HELZ2: variants seen among roughly 807,000 people sequenced by gnomAD.
HELZ2 encodes 3'-5' exoribonuclease HELZ2.
In HELZ2, 143 loss-of-function variants were observed where a neutral mutation model predicts 208.8. That is an observed-to-expected ratio of 0.68 (90% confidence interval 0.60 to 0.79). The LOEUF (loss-of-function observed/expected upper bound fraction) is 0.79. HELZ2 is among the 30% of genes least tolerant of loss of function. The pLI, the probability that HELZ2 is intolerant of heterozygous loss-of-function variation, is 0.00. For missense variants in HELZ2, 3,690 were observed against 3,794.5 expected, an observed-to-expected ratio of 0.97 and a Z score of 0.72; for synonymous variants, 1,705 against 1,693.7, an observed-to-expected ratio of 1.01 and a Z score of -0.16.
rs115088331 is a variant in HELZ2, at chr20:63,568,804, A to C, written c.1284T>G (p.Asn428Lys). 9.7e-4 allele frequency: 1,565 copies of C among 1,612,036 alleles called. 7 individuals carry two copies. The African/African-American group carries it at 0.011, about 11-fold the overall frequency. ...TCTCCAGCCGCACCTCGAACACCGT[A>C]TTGTCGGGTGCAGGTACAGGGGCCA... Residue 428 changes from asparagine (N) to lysine (K), a missense_variant, in exon 5 of 19, where the codon AAT becomes AAG. By Grantham distance (94) the Asn-to-Lys change is moderately conservative. Transcript: ENST00000467148.
Position 63,561,748 on chromosome 20 carries a change from G to A in HELZ2, c.6692-3C>T, listed in dbSNP as rs1386334196. 3 of 1,590,006 alleles carry A rather than the reference G, an allele frequency of 1.9e-6. No individual in the cohort carries two copies. The South Asian group carries it at 3.4e-5, about 18-fold the overall frequency. ...CTCCATCCTTCTCAGGAGCAGTCCT[G>A]AGGGTAGTTGGGGGACGTGAGTCCT... On this transcript the variant is annotated splice_region_variant and splice_polypyrimidine_tract_variant and intron_variant, in intron 11 of 18. Coordinates refer to ENST00000467148, the Ensembl canonical transcript of HELZ2.
chr20:63,561,806 C>T lies in HELZ2; in HGVS notation c.6691+17G>A, dbSNP rs1319913144. On this transcript the variant is annotated intron_variant, in intron 11 of 18. Transcript: ENST00000467148. ...GTGCCAGCTCCCCAAAGGCCCCCAC[C>T]GCCGACCCCGGCGCACCTGCCAGGA... 1.9e-6 allele frequency: 3 copies of T among 1,553,250 alleles called. No homozygotes were observed. Among genetic ancestry groups the T allele is most frequent in the South Asian group, 2.4e-5 (2 of 84,560 alleles).
rs201050184 is a variant in HELZ2, at chr20:63,565,095, G to A, written c.3727C>T (p.Arg1243Trp). The stretch of plus-strand genomic sequence containing the variant: ...CCCACACGCTGCAGCCGGCCCTTCC[G>A]GAGGCTGTAGATGGGGACCTGCGAT... Residue 1243 changes from arginine to tryptophan, a missense_variant, in exon 8 of 19, where the codon CGG becomes TGG. Transcript: ENST00000467148. 8.9e-5 allele frequency: 139 copies of A among 1,563,802 alleles called. 2 individuals carry two copies. Among genetic ancestry groups the A allele is most frequent in the South Asian group, 8.4e-4 (72 of 86,144 alleles).
At chr20:63,572,465 G>A, upstream of HELZ2, 1 of 1,397,248 alleles carries the variant, frequency 7.2e-7, no homozygotes, top group South Asian at 1.5e-5. Context: ...CCTGCAGTAG[G>A]CAGGAGGCTG....
rs184989059 is a variant in HELZ2, at chr20:63,564,434, T to C, written c.4388A>G (p.Glu1463Gly). 4 of 1,553,580 alleles carry C rather than the reference T, an allele frequency of 2.6e-6. No individual in the cohort carries two copies. In the African/African-American group the frequency reaches 4.1e-5, roughly 16 times the overall value. ...GGCACCCGGGTGCTGCCTGATCACC[T>C]CCTCCGCCTCCTCGTAGGACAGCTG... The change falls in exon 8 of 19, where the codon GAG becomes GGG. Residue 1463 changes from glutamate to glycine, a missense_variant. Physicochemically the swap from Glu to Gly is moderately conservative, Grantham distance 98. Around this residue, in one of 3 missense-constraint regions of HELZ2, gnomAD observed 2,564 missense variants for 2,580.5 expected, o/e 0.99. Coordinates refer to ENST00000467148, the Ensembl canonical transcript of HELZ2.
At chr20:63,562,775 G>A (rs3810485) in exon 8 of HELZ2, 418,252 of 1,605,200 alleles carry the variant, frequency 0.26, 55,953 homozygotes, top group Admixed American at 0.38. Flanking sequence ...CGTGGGAGCC[G>A]GCAGCCCCTC....
rs1207581056 is a variant in HELZ2 at position 63,559,250 on chromosome 20, G to C, written c.7946C>G (p.Ser2649Cys). 2.6e-6 allele frequency: 4 copies of C among 1,558,638 alleles called. No homozygotes were observed. In the Admixed American group the frequency reaches 5.7e-5, roughly 22 times the overall value. ...CTTGCAGGTGGAGAGGGCTCTTCAG[G>C]AAGGCATAGTTGGCCTCCTGCAGAC... Residue 2649 changes from serine (S) to cysteine (C), a missense_variant, in exon 19 of 19, where the codon TCC becomes TGC. By Grantham distance (112) the Ser-to-Cys change is moderately radical. This residue lies in a region of HELZ2 where 2,564 missense variants were observed against 2,580.5 expected (regional missense o/e 0.99). Transcript: ENST00000467148.
At chr20:63,572,036 T>C in intron 1 of HELZ2, 72 bp downstream of exon 2, 1 of 1,491,416 alleles carries the variant, frequency 6.7e-7, no homozygotes, top group Non-Finnish European at 9.0e-7. Context: ...CACTCCAAGC[T>C]CCTGGGAACC....
exon 18 of HELZ2, chr20:63,560,027 G>T: frequency 1.2e-6 from 2 of 1,611,452 alleles, no homozygotes. Context: ...CTCTTGGTGG[G>T]CCGCTGGTCC....
intron 1 of HELZ2, 122 bp downstream of exon 2, chr20:63,571,986 C>G: frequency 8.3e-7 from 1 of 1,204,794 alleles, no homozygotes; most frequent in Non-Finnish European, 1.1e-6. Context: ...ACTCCAAGCT[C>G]CTGGGAGCCT....
rs1437621565 is a variant in HELZ2 at position 63,562,034 on chromosome 20, C to A, written c.6529+38G>T. ...TAGCCCACCCTGTGGGTCCCTGTGG[C>A]CCAAGGCAGCCTGCGGCTCCCCCGG... On this transcript the variant is annotated intron_variant, in intron 10 of 18. Transcript: ENST00000467148. 2.5e-6 allele frequency: 4 copies of A among 1,602,462 alleles called. No individual in the cohort carries two copies. The Admixed American group carries it at 5.0e-5, about 20-fold the overall frequency.
At position 63,569,681 on chromosome 20, in the gene HELZ2, G is replaced by A. The variant is rs528066232; in HGVS notation, c.571-16C>T. On this transcript the variant is annotated splice_polypyrimidine_tract_variant and intron_variant, in intron 3 of 18. Coordinates refer to ENST00000467148, the Ensembl canonical transcript of HELZ2. ...GCAGGGGCTCCTGGAGAGGAGGCCA[G>A]ACGGTGAGGGGGGCCCAGGGCTCCC... 2.3e-4 allele frequency: 350 copies of A among 1,503,004 alleles called. 7 individuals are homozygous for A. In the South Asian group the frequency reaches 4.2e-3, roughly 18 times the overall value. 93.1% of individuals were successfully genotyped at this position (1,503,004 alleles called of 1,614,324 possible).
chr20:63,571,986 C>T, intron 1 of HELZ2, 122 bp downstream of exon 2: 1 of 1,204,794 alleles, frequency 8.3e-7, no homozygotes, highest in Non-Finnish European at 1.1e-6. Context: ...ACTCCAAGCT[C>T]CTGGGAGCCT....
chr20:63,570,829 T>C (rs200568448), exon 2 of HELZ2: 1 of 1,607,484 alleles, frequency 6.2e-7, no homozygotes, highest in Non-Finnish European at 8.5e-7. Context: ...GTGCTGAGTG[T>C]GCCTTGGTGC....
chr20:63,571,954 G>A, intron 1 of HELZ2, 154 bp downstream of exon 2: 1 of 760,680 alleles, frequency 1.3e-6, no homozygotes, highest in Non-Finnish European at 2.0e-6. Flanking sequence ...CTCTGGCTCT[G>A]CCTACGGTGG....
At chr20:63,569,055 A>G in intron 4 of HELZ2, 56 bp from the exon 6 acceptor site, 1 of 1,594,246 alleles carries the variant, frequency 6.3e-7, no homozygotes, top group Non-Finnish European at 8.5e-7. Context: ...CCCGCTGCCA[A>G]GTCCACGCCC....
exon 16 of HELZ2, chr20:63,560,572 A>G (rs2146005904): frequency 1.1e-5 from 18 of 1,612,852 alleles, no homozygotes; most frequent in Non-Finnish European, 1.5e-5. Flanking sequence ...GCACGTGGCC[A>G]AAGATGACAG....
At chr20:63,567,237 G>A (rs771391108) in exon 6 of HELZ2, 9 of 1,608,208 alleles carry the variant, frequency 5.6e-6, no homozygotes. Flanking sequence ...CCCGGGCCCT[G>A]GCCACACTGA....
exon 6 of HELZ2, chr20:63,566,988 G>A (rs542594531): frequency 5.0e-6 from 8 of 1,611,672 alleles, no homozygotes; most frequent in Admixed American, 3.3e-5. Context: ...ACATGTCCCG[G>A]TCTGGGCTGC....
Sources: allele counts gnomAD v4.1 joint callset, GRCh38; gene constraint gnomAD v4.1.1; regional missense constraint gnomAD v4.1.1; transcripts MANE v1.5; gene names NCBI Gene and HGNC (gene_info 2026-07-23, HGNC 2026-07-21).